The following IRAG2 variants were observed in gnomAD, a reference collection of about 807,000 sequenced individuals.
IRAG2 encodes lymphoid restricted membrane protein.
Under a neutral mutation model 69.9 loss-of-function variants are expected in IRAG2, and 45 were observed. The ratio of observed to expected loss-of-function variants is 0.64; its 90% CI spans 0.51 to 0.83. The LOEUF is 0.83. Ranked by LOEUF, IRAG2 falls within the 40% of genes least tolerant of loss-of-function variation. The pLI is 0.00. For synonymous variants in IRAG2, 193 were observed against 202.4 expected (o/e 0.95, Z 0.40); for missense variants, 520 against 587.0 (o/e 0.89, Z 1.18).
At chr12:25,079,588 A>G in intron 8 of IRAG2, 68 bp from the exon 9 acceptor site, 1 of 1,265,354 alleles carries the variant, frequency 7.9e-7, no homozygotes, top group Non-Finnish European at 1.2e-6. Context: ...TTTGCATAGT[A>G]TAGTTAAATA....
chr12:25,013,133 A>G (rs1944490092), intron 3 of IRAG2, among the ~76,000 whole-genome samples: 1 of 152,208 alleles, frequency 6.6e-6, no homozygotes, highest in Admixed American at 6.5e-5. Flanking sequence ...AGTGCAAGTT[A>G]GCATAGCTTT....
chr12:25,001,380 A>C (rs1297813988), upstream of IRAG2, among the ~76,000 whole-genome samples: 1 of 152,066 alleles, frequency 6.6e-6, no homozygotes, highest in Admixed American at 6.6e-5. Flanking sequence ...GGGGAGTTGG[A>C]GGTTGCAATG....
chr12:25,031,591 G>A (rs1944667771), intron 10 of IRAG2, among the ~76,000 whole-genome samples: 1 of 152,118 alleles, frequency 6.6e-6, no homozygotes, highest in Non-Finnish European at 1.5e-5. Context: ...ATTCCACTGG[G>A]TCAGACAAAC....
chr12:25,097,072 A>G, intron 15 of IRAG2, 28 bp downstream of exon 15: 1 of 1,562,326 alleles, frequency 6.4e-7, no homozygotes, highest in Non-Finnish European at 8.6e-7. Flanking sequence ...CTCTAGTTAG[A>G]ATGAAATTAC....
In IRAG2 at chr12:25,089,654, G is replaced by C; in HGVS notation, c.414G>C (p.Ser138=). 6.2e-7 allele frequency: 1 copy of C among 1,604,128 alleles called. No individual in the cohort carries two copies. Among genetic ancestry groups the C allele is most frequent in the African/African-American group, 1.3e-5 (1 of 74,818 alleles). The stretch of plus-strand genomic sequence containing the variant: ...CTCTTCCTGTAACCACTGTGAAATC[G>C]GTTAACCTTAGACAAAGTGAGAAGT... ...VSPLPVTTVK[S]VNLRQSENTS... is the part of the protein sequence containing the mutation. The change falls in exon 12 of 22, where the codon TCG becomes TCC. Residue 138 remains serine (S), a synonymous_variant. Coordinates refer to ENST00000556887, the MANE Select transcript of IRAG2 (RefSeq NM_001366544.2).
chr12:25,065,318 A>T (rs1004521956), intron 4 of IRAG2, among the ~76,000 whole-genome samples: 1 of 152,164 alleles, frequency 6.6e-6, no homozygotes, highest in Non-Finnish European at 1.5e-5. Flanking sequence ...TGGCTTAGTT[A>T]TTTATTCAAG....
At chr12:25,032,348 A>T (rs549172018) in exon 12 of IRAG2, 1 of 399,056 alleles carries the variant, frequency 2.5e-6, no homozygotes, top group South Asian at 1.3e-4. Context: ...GAGTTACAGC[A>T]CTTGCAACAG....
At chr12:25,103,795 TATTG>T in intron 17 of IRAG2, 38 bp from the exon 18 acceptor site, 1 of 1,392,932 alleles carries the variant, frequency 7.2e-7, no homozygotes, top group South Asian at 1.2e-5. Context: ...AATGATAAAT[TATTG>T]AGAGTTTTCT....
intron 3 of IRAG2, chr12:25,015,136 A>G (rs1354505572): frequency 1.2e-6 from 1 of 858,624 alleles, no homozygotes. Context: ...CAGGCAAAGA[A>G]TCCTAGCTCA....
intron 5 of IRAG2, chr12:25,017,018 TAAAAAAA>T (rs200270514): frequency 6.7e-6 from 4 of 598,112 alleles, no homozygotes; most frequent in Non-Finnish European, 9.4e-6. Flanking sequence ...AGGGTAAAGT[TAAAAAAA>T]AAAAAACTCA....
chr12:25,069,281 A>G (rs769084282), intron 5 of IRAG2, 69 bp from the exon 6 acceptor site: 2 of 702,728 alleles, frequency 2.8e-6, no homozygotes, highest in Non-Finnish European at 5.1e-6. Flanking sequence ...GAACCATGTT[A>G]TAGTTTAGTA....
chr12:25,023,275 G>A (rs974692367), intron 7 of IRAG2, among the ~76,000 whole-genome samples: 5 of 151,992 alleles, frequency 3.3e-5, no homozygotes, highest in African/African-American at 4.8e-5. Flanking sequence ...TATTATAAAG[G>A]TAATACCTAT....
intron 15 of IRAG2, 127 bp downstream of exon 15, chr12:25,097,171 T>TA: frequency 1.0e-5 from 8 of 801,480 alleles, no homozygotes; most frequent in Non-Finnish European, 1.5e-5. Flanking sequence ...GACATATGCG[T>TA]TTAATACATA....
chr12:25,027,372 G>C (rs916742933), intron 9 of IRAG2, among the ~76,000 whole-genome samples: 1 of 150,200 alleles, frequency 6.7e-6, no homozygotes, highest in African/African-American at 2.4e-5. Flanking sequence ...CCATGATATA[G>C]CATGTATTAC....
intron 4 of IRAG2, 58 bp downstream of exon 4, chr12:25,063,874 G>C (rs1591979120): frequency 5.0e-6 from 2 of 398,820 alleles, no homozygotes; most frequent in East Asian, 7.1e-5. Flanking sequence ...CTATTTGAAA[G>C]GGAAAATAAC....
At chr12:25,088,028 C>G in intron 10 of IRAG2, 72 bp from the exon 11 acceptor site, 1 of 1,116,782 alleles carries the variant, frequency 9.0e-7, no homozygotes. Context: ...TAGGAGAGGA[C>G]AGGAAGTAGG....
chr12:25,048,168 A>T (rs1944812402), upstream of IRAG2, among the ~76,000 whole-genome samples: 1 of 152,098 alleles, frequency 6.6e-6, no homozygotes, highest in Non-Finnish European at 1.5e-5. Context: ...GGCTGGCATG[A>T]GGTGGTATCT....
chr12:25,038,926 T>C (rs911656075), intron 16 of IRAG2, among the ~76,000 whole-genome samples: 1 of 152,206 alleles, frequency 6.6e-6, no homozygotes, highest in Admixed American at 6.5e-5. Flanking sequence ...GGCAACTAAA[T>C]GTCAGTTAAA....
intron 1 of IRAG2, among the ~76,000 whole-genome samples, chr12:25,057,874 G>T (rs1007608613): frequency 1.3e-5 from 2 of 151,748 alleles, no homozygotes; most frequent in East Asian, 3.8e-4. Context: ...GTACTTTTTT[G>T]TGTGTTTGTC....
Sources: gnomAD v4.1 joint callset for allele counts (sites outside exome capture counted in the v4.1 genomes callset) on GRCh38, gnomAD v4.1.1 for gene constraint, MANE v1.5 for transcripts, NCBI Gene and HGNC (gene_info 2026-07-23, HGNC 2026-07-21) for gene names.